LUZP2: variants seen among roughly 807,000 people sequenced by gnomAD.
LUZP2 encodes leucine zipper protein 2.
LUZP2 carries 52 observed loss-of-function variants against 51.6 expected under a neutral mutation model. That is an observed-to-expected ratio of 1.01 (90% CI 0.81 to 1.27). The LOEUF is 1.27. Among genes scored for constraint, LUZP2 ranks in the 50% most tolerant of loss-of-function variants. The pLI, the probability that LUZP2 is intolerant of heterozygous loss-of-function variation, is 0.00. For synonymous variants in LUZP2, 154 were observed against 137.3 expected (o/e 1.12, Z -0.85); for missense variants, 436 against 395.4 (o/e 1.10, Z -0.87).
chr11:24,967,376 T>TTTG (rs57854702), intron 7 of LUZP2, among the ~76,000 whole-genome samples: 150,967 of 152,002 alleles, frequency 0.99, 74,987 homozygotes, highest in Middle Eastern at 1. Context: ...ATTTAAAATT[T>TTTG]TTATTAGTCT....
At chr11:24,933,634 G>A (rs1250174115) in intron 7 of LUZP2, among the ~76,000 whole-genome samples, 1 of 152,256 alleles carries the variant, frequency 6.6e-6, no homozygotes, top group African/African-American at 2.4e-5. Flanking sequence ...TGTTCATAAT[G>A]ATTATAGATT....
intron 9 of LUZP2, among the ~76,000 whole-genome samples, chr11:25,049,439 C>T (rs1039117266): frequency 1.3e-5 from 2 of 152,038 alleles, no homozygotes; most frequent in African/African-American, 2.4e-5. Flanking sequence ...AACTAGGAAA[C>T]AGCTTTTTCT....
chr11:24,585,354 C>T (rs1163324983), intron 1 of LUZP2, among the ~76,000 whole-genome samples: 1 of 152,126 alleles, frequency 6.6e-6, no homozygotes, highest in Non-Finnish European at 1.5e-5. Context: ...TGCCATCAGC[C>T]AGAATTCAGA....
chr11:24,693,866 C>T (rs1857156774), intron 1 of LUZP2, among the ~76,000 whole-genome samples: 2 of 152,066 alleles, frequency 1.3e-5, no homozygotes, highest in Middle Eastern at 3.4e-3. Context: ...TGTACAAAAT[C>T]ATGCCTACCC....
intron 9 of LUZP2, among the ~76,000 whole-genome samples, chr11:25,020,633 C>T (rs530737794): frequency 6.6e-6 from 1 of 152,076 alleles, no homozygotes. Flanking sequence ...TTTGATTCTA[C>T]ATTTAATCAC....
intron 1 of LUZP2, among the ~76,000 whole-genome samples, chr11:24,551,008 G>A (rs887550854): frequency 1.3e-5 from 2 of 152,010 alleles, no homozygotes; most frequent in African/African-American, 4.8e-5. Context: ...TAACAGGTAT[G>A]CTTGTATCTA....
At chr11:24,517,860 C>G (rs1298571109) in intron 1 of LUZP2, among the ~76,000 whole-genome samples, 2 of 152,038 alleles carry the variant, frequency 1.3e-5, no homozygotes, top group Admixed American at 1.3e-4. Flanking sequence ...ATAACAGGCT[C>G]TTTTTAATTA....
chr11:24,877,258 A>G (rs1001791751), intron 5 of LUZP2, among the ~76,000 whole-genome samples: 1 of 152,240 alleles, frequency 6.6e-6, no homozygotes, highest in South Asian at 2.1e-4. Flanking sequence ...CTTTTCAAGT[A>G]AACAGTCTTG....
intron 6 of LUZP2, among the ~76,000 whole-genome samples, chr11:24,912,274 T>C (rs1230543362): frequency 6.6e-6 from 1 of 152,046 alleles, no homozygotes; most frequent in Non-Finnish European, 1.5e-5. Context: ...TTTGTTTTCT[T>C]TTTGTTCTTT....
intron 7 of LUZP2, among the ~76,000 whole-genome samples, chr11:24,952,659 TCCTTTAGTTA>T (rs1421999286): frequency 6.6e-6 from 1 of 151,838 alleles, no homozygotes; most frequent in African/African-American, 2.4e-5. Flanking sequence ...TATTTTTACT[TCCTTTAGTTA>T]CCTTTATATA....
chr11:24,655,788 A>G (rs1434444797), intron 1 of LUZP2, among the ~76,000 whole-genome samples: 1 of 152,166 alleles, frequency 6.6e-6, no homozygotes, highest in Non-Finnish European at 1.5e-5. Flanking sequence ...ACTTTTTACA[A>G]TCCTTTACTA....
At chr11:25,020,124 T>C (rs563654461) in intron 9 of LUZP2, among the ~76,000 whole-genome samples, 41 of 152,194 alleles carry the variant, frequency 2.7e-4, no homozygotes, top group African/African-American at 8.9e-4. Context: ...TTTTAACATA[T>C]AAAAATGAGA....
At chr11:24,836,427 T>C (rs1297041087) in intron 5 of LUZP2, among the ~76,000 whole-genome samples, 1 of 151,880 alleles carries the variant, frequency 6.6e-6, no homozygotes, top group East Asian at 1.9e-4. Context: ...AATTAAAATA[T>C]ATCAAATTTG....
chr11:24,981,259 A>G (rs1203739546), intron 8 of LUZP2, among the ~76,000 whole-genome samples: 1 of 151,844 alleles, frequency 6.6e-6, no homozygotes, highest in Non-Finnish European at 1.5e-5. Flanking sequence ...GGGGTGGGCA[A>G]TTCGGACCTG....
chr11:24,730,031 C>T (rs1036621179), intron 2 of LUZP2, among the ~76,000 whole-genome samples: 1 of 151,608 alleles, frequency 6.6e-6, no homozygotes, highest in African/African-American at 2.4e-5. Context: ...CTGAACTGAA[C>T]CATGTTTTTA....
intron 10 of LUZP2, among the ~76,000 whole-genome samples, chr11:25,065,977 C>T (rs567840285): frequency 6.6e-6 from 1 of 152,136 alleles, no homozygotes; most frequent in East Asian, 1.9e-4. Flanking sequence ...TGCCTCTGCA[C>T]TTATCATGCT....
intron 5 of LUZP2, among the ~76,000 whole-genome samples, chr11:24,883,873 A>G (rs1219537116): frequency 6.6e-6 from 1 of 152,020 alleles, no homozygotes; most frequent in African/African-American, 2.4e-5. Context: ...ACATATTGGT[A>G]AAACTCCATA....
Position 24,756,701 on chromosome 11 carries a change from A to G in LUZP2, c.334-6545A>G, listed in dbSNP as rs775354514. Among the ~76,000 whole-genome samples, 80 of 152,236 alleles carry G rather than the reference A, an allele frequency of 5.3e-4. 1 individual carries two copies. Among genetic ancestry groups the G allele is most frequent in the Non-Finnish European group, 9.4e-4 (64 of 68,000 alleles). On this transcript the variant is annotated intron_variant, in intron 4 of 11. Coordinates refer to ENST00000336930, the MANE Select transcript of LUZP2 (RefSeq NM_001009909.4). Reference sequence around the variant, plus strand: ...TTAACACAGAAGACTTCTGTGACCAAATGTATGGGGATTTGTTCTACTAAG... The same window carrying G: ...TTAACACAGAAGACTTCTGTGACCAGATGTATGGGGATTTGTTCTACTAAG...
Position 24,960,891 on chromosome 11 carries a change from A to T in LUZP2, c.523-15700A>T, listed in dbSNP as rs1458484602. On this transcript the variant is annotated intron_variant, in intron 7 of 11. Transcript: ENST00000336930. ...TTTCTCTTGTGGGCATTTAGTGCTA[A>T]AAATTTCCCTCTACAGACTGCTTTG... is the stretch of plus-strand genomic sequence containing the variant. 2.6e-5 allele frequency among the ~76,000 whole-genome samples: 4 copies of T among 151,948 alleles called. No homozygotes were observed. The East Asian group carries it at 5.8e-4, about 22-fold the overall frequency.
Sources: allele counts gnomAD v4.1 joint callset (sites outside exome capture counted in the v4.1 genomes callset), GRCh38; gene constraint gnomAD v4.1.1; transcripts MANE v1.5; gene names NCBI Gene and HGNC (gene_info 2026-07-23, HGNC 2026-07-21).